Variants in NEK11 observed in about 807,000 individuals in gnomAD.
NEK11 encodes the protein serine/threonine-protein kinase Nek11.
A neutral mutation model predicts 80.7 loss-of-function variants in NEK11; 72 were observed. The ratio of observed to expected loss-of-function variants is 0.89; its 90% CI spans 0.74 to 1.08. The LOEUF is 1.08. NEK11 is among the 50% of genes least tolerant of loss of function. The pLI is 0.00. For synonymous variants in NEK11, 251 were observed against 260.7 expected, an observed-to-expected ratio of 0.96 and a Z score of 0.36; for missense variants, 764 against 763.6, an observed-to-expected ratio of 1.00 and a Z score of -0.01.
chr3:131,090,940 G>A (rs1031030804), intron 4 of NEK11, among the ~76,000 whole-genome samples: 1 of 152,074 alleles, frequency 6.6e-6, no homozygotes, highest in Admixed American at 6.5e-5. Context: ...TTTTAAAATT[G>A]TTTTTTAGAG....
intron 5 of NEK11, among the ~76,000 whole-genome samples, chr3:131,127,086 C>T (rs1167363190): frequency 6.6e-6 from 1 of 151,444 alleles, no homozygotes; most frequent in East Asian, 1.9e-4. Flanking sequence ...CTGCCTCAGC[C>T]TCCTGAGTAG....
At chr3:131,341,931 T>C (rs1240836072) in intron 17 of NEK11, among the ~76,000 whole-genome samples, 1 of 152,224 alleles carries the variant, frequency 6.6e-6, no homozygotes. Flanking sequence ...TTTTGTTTTT[T>C]AGTCAGTGAG....
chr3:131,128,864 G>T (rs1317040766), intron 5 of NEK11, among the ~76,000 whole-genome samples: 1 of 152,018 alleles, frequency 6.6e-6, no homozygotes, highest in South Asian at 2.1e-4. Context: ...GGTGTGTAGT[G>T]GTACTTCATT....
intron 17 of NEK11, among the ~76,000 whole-genome samples, chr3:131,336,031 C>A (rs1275385804): frequency 1.3e-5 from 2 of 152,044 alleles, no homozygotes; most frequent in African/African-American, 2.4e-5. Context: ...ATCATGAAAA[C>A]GGCCATGCTG....
intron 4 of NEK11, among the ~76,000 whole-genome samples, chr3:131,086,947 G>T (rs1286484932): frequency 6.6e-6 from 1 of 152,100 alleles, no homozygotes; most frequent in Admixed American, 6.6e-5. Context: ...ATTTCCTTCA[G>T]CAAATTATTT....
intron 17 of NEK11, among the ~76,000 whole-genome samples, chr3:131,275,788 T>C (rs796871297): frequency 9.8e-5 from 15 of 152,328 alleles, no homozygotes; most frequent in African/African-American, 3.4e-4. Context: ...GCTCAGCATA[T>C]GGATGGCAAC....
At chr3:131,211,774 T>C (rs2094625694) in intron 14 of NEK11, among the ~76,000 whole-genome samples, 1 of 152,218 alleles carries the variant, frequency 6.6e-6, no homozygotes, top group South Asian at 2.1e-4. Context: ...TACTGAAGCT[T>C]GTGCATGCGT....
intron 17 of NEK11, among the ~76,000 whole-genome samples, chr3:131,276,766 A>G (rs971806927): frequency 1.3e-5 from 2 of 152,176 alleles, no homozygotes; most frequent in Admixed American, 1.3e-4. Context: ...TGATGATTGA[A>G]TTCAGGAAAT....
intron 16 of NEK11, among the ~76,000 whole-genome samples, chr3:131,245,578 C>G (rs2095588596): frequency 6.6e-6 from 1 of 152,010 alleles, no homozygotes; most frequent in African/African-American, 2.4e-5. Context: ...ATAAATGTTC[C>G]TTTTTCTCTG....
At chr3:131,151,166 G>A (rs993388279) in intron 7 of NEK11, among the ~76,000 whole-genome samples, 14 of 152,120 alleles carry the variant, frequency 9.2e-5, no homozygotes, top group Middle Eastern at 3.4e-3. Context: ...TAATTCAAGA[G>A]TCAGTTCTAC....
chr3:131,138,658 AC>A (rs2086165624), intron 7 of NEK11, among the ~76,000 whole-genome samples: 1 of 151,968 alleles, frequency 6.6e-6, no homozygotes, highest in African/African-American at 2.4e-5. Flanking sequence ...GTGTCACCCC[AC>A]CCCCAGTTCC....
At chr3:131,237,106 G>A (rs1361799131) in intron 15 of NEK11, among the ~76,000 whole-genome samples, 1 of 152,158 alleles carries the variant, frequency 6.6e-6, no homozygotes, top group Non-Finnish European at 1.5e-5. Flanking sequence ...TTGGGAGGCT[G>A]AGGTGGGAGG....
At chr3:131,277,744 A>G (rs1364995924) in intron 17 of NEK11, among the ~76,000 whole-genome samples, 1 of 152,214 alleles carries the variant, frequency 6.6e-6, no homozygotes, top group Non-Finnish European at 1.5e-5. Flanking sequence ...GCTGGGATTT[A>G]TATCCCTCCT....
In NEK11 at chr3:131,337,421, C is replaced by T. The variant is rs1372353099; in HGVS notation, c.1719-12136C>T. ...ATAGGTGGGAATTGAACAATGAGAA[C>T]ACATGGACACAGGAAGGGGAACATC... On this transcript the variant is annotated intron_variant, in intron 17 of 17. Coordinates refer to ENST00000383366, the MANE Select transcript of NEK11 (RefSeq NM_024800.5). 2.0e-5 allele frequency among the ~76,000 whole-genome samples: 3 copies of T among 150,562 alleles called. No homozygotes were observed. In the East Asian group the frequency reaches 5.9e-4, roughly 30 times the overall value.
At position 131,349,658 on chromosome 3, in the gene NEK11, G is replaced by A. The variant is rs1421919569; in HGVS notation, c.1820G>A (p.Cys607Tyr). Residue 607 changes from cysteine (C) to tyrosine (Y), a missense_variant, in exon 18 of 18, where the codon TGT (cysteine) becomes TAT (tyrosine). Cys to Tyr is a radical substitution (Grantham distance 194). Transcript: ENST00000383366. ...GCTAGCGAAGCAGAGATCCGCGAGT[G>A]TTTGGAAAAAGTGGTGCCTCAAGCC... ...QNASEAEIRECLEKVVPQASD... is the reference protein window; with the variant it reads ...QNASEAEIREYLEKVVPQASD... 2 of 1,614,038 alleles carry A rather than the reference G, an allele frequency of 1.2e-6. No homozygotes were observed. Among genetic ancestry groups the A allele is most frequent in the Non-Finnish European group, 1.7e-6 (2 of 1,180,032 alleles).
At chr3:131,028,788 T>G (rs2064325511) in intron 2 of NEK11, among the ~76,000 whole-genome samples, 1 of 152,006 alleles carries the variant, frequency 6.6e-6, no homozygotes. Context: ...TCTCCTGACC[T>G]CGTGATCCGC....
chr3:131,170,606 C>T (rs2092621555), intron 13 of NEK11, among the ~76,000 whole-genome samples, 167 bp from the exon 14 acceptor site: 1 of 152,170 alleles, frequency 6.6e-6, no homozygotes, highest in Admixed American at 6.5e-5. Flanking sequence ...TGATTCAGGG[C>T]TGTTTCTCTT....
chr3:131,187,559 T>C (rs769481303), intron 14 of NEK11, among the ~76,000 whole-genome samples: 6 of 152,168 alleles, frequency 3.9e-5, no homozygotes, highest in Non-Finnish European at 7.3e-5. Flanking sequence ...TCCTTTTTCA[T>C]AGAGAAGGAC....
chr3:131,129,912 A>G (rs891215131), intron 5 of NEK11, among the ~76,000 whole-genome samples: 6 of 152,296 alleles, frequency 3.9e-5, no homozygotes, highest in African/African-American at 1.2e-4. Flanking sequence ...ACCCAATATT[A>G]TGGATCTTTT....
Sources: gnomAD v4.1 joint callset for allele counts (sites outside exome capture counted in the v4.1 genomes callset) on GRCh38, gnomAD v4.1.1 for gene constraint, MANE v1.5 for transcripts, NCBI Gene and HGNC (gene_info 2026-07-23, HGNC 2026-07-21) for gene names.